The following JCAD variants were observed in gnomAD, a reference collection of about 807,000 sequenced individuals.
JCAD encodes the protein junctional cadherin 5-associated protein.
In JCAD, 40 loss-of-function variants were observed where a neutral mutation model predicts 98.0. The observed-to-expected ratio is 0.41, with a 90% CI of 0.32 to 0.53. The LOEUF is 0.53. Ranked by LOEUF, JCAD falls within the 20% of genes least tolerant of loss-of-function variation. JCAD has a pLI of 0.31. For missense variants in JCAD, 1,705 were observed against 1,738.1 expected (o/e 0.98, Z 0.34); for synonymous variants, 691 against 682.3 (o/e 1.01, Z -0.20).
chr10:30,070,064 C>T (rs1018148751), intron 1 of JCAD, among the ~76,000 whole-genome samples: 12 of 152,062 alleles, frequency 7.9e-5, no homozygotes, highest in Non-Finnish European at 2.9e-5. Context: ...AAAACTTCTA[C>T]AGCAAATCAA....
chr10:30,109,960 A>G (rs1838659460), intron 1 of JCAD, among the ~76,000 whole-genome samples: 1 of 151,970 alleles, frequency 6.6e-6, no homozygotes, highest in Non-Finnish European at 1.5e-5. Context: ...CAGCTCATGT[A>G]TGGACCCCCT....
Position 30,028,979 on chromosome 10 carries a change from G to C in JCAD, c.1169C>G (p.Pro390Arg). The C allele has an allele frequency of 6.2e-7, 1 of 1,614,020 alleles. No individual in the cohort carries two copies. Among genetic ancestry groups the C allele is most frequent in the Non-Finnish European group, 8.5e-7 (1 of 1,180,008 alleles). ...ACCATACTCATTCCCAGTTCCAGGG[G>C]GGCCTGAAGGAGGCTGACCGCTGGC... ...AGASGQPPSG[P>R]PGTGNEYGVS... Residue 390 changes from proline (P) to arginine (R), a missense_variant, in exon 3 of 4, where the codon CCC becomes CGC. By Grantham distance (103) the Pro-to-Arg change is moderately radical. Around this residue, in one of 3 missense-constraint regions of JCAD, gnomAD observed 1,278 missense variants for 1,243.1 expected, o/e 1.03. Transcript: ENST00000375377.
intron 2 of JCAD, among the ~76,000 whole-genome samples, chr10:30,034,899 A>G (rs973750516): frequency 1.3e-5 from 2 of 152,202 alleles, no homozygotes; most frequent in Non-Finnish European, 2.9e-5. Context: ...GCTTTGCATC[A>G]GAAACAATCT....
At chr10:30,055,862 C>T (rs1240634503) in intron 1 of JCAD, among the ~76,000 whole-genome samples, 3 of 152,194 alleles carry the variant, frequency 2.0e-5, no homozygotes, top group African/African-American at 7.2e-5. Context: ...CAACATTATG[C>T]ACTGAATTTT....
chr10:30,046,755 T>C (rs1837346191), intron 2 of JCAD, among the ~76,000 whole-genome samples: 1 of 152,214 alleles, frequency 6.6e-6, no homozygotes, highest in African/African-American at 2.4e-5. Flanking sequence ...GGCCAAGCCC[T>C]GTGCTAAGTG....
chr10:30,092,051 A>C (rs1564469828), intron 1 of JCAD, among the ~76,000 whole-genome samples: 4 of 35,660 alleles, frequency 1.1e-4, no homozygotes, highest in East Asian at 1.6e-3. Flanking sequence ...AAAAAAAAAA[A>C]AAAAAAAAAA....
At chr10:30,068,390 C>CAAA (rs34060997) in intron 2 of JCAD, among the ~76,000 whole-genome samples, 647 of 47,606 alleles carry the variant, frequency 0.014, 18 homozygotes, top group African/African-American at 0.018. Context: ...AACTCTGTCT[C>CAAA]AAAAAAAAAA....
At chr10:30,083,027 C>A (rs1264033363) in intron 1 of JCAD, among the ~76,000 whole-genome samples, 1 of 151,398 alleles carries the variant, frequency 6.6e-6, no homozygotes, top group East Asian at 1.9e-4. Flanking sequence ...AGCAAGATTC[C>A]ATCTCAAAAA....
At chr10:30,101,474 C>G (rs1838469763) in intron 1 of JCAD, among the ~76,000 whole-genome samples, 1 of 152,150 alleles carries the variant, frequency 6.6e-6, no homozygotes, top group Admixed American at 6.5e-5. Flanking sequence ...ATGTCTGACC[C>G]TCCTTTCCTA....
chr10:30,027,644 AACTG>A lies in JCAD; in HGVS notation c.2500_2503del (p.Gln834Ter), dbSNP rs1160555266. On this transcript the variant is annotated frameshift_variant, in exon 3 of 4. Coordinates refer to ENST00000375377, the MANE Select transcript of JCAD (RefSeq NM_020848.4). LOFTEE classifies it high-confidence loss of function. Reference sequence around the variant, plus strand: ...CTGGAGCTCCTTGTTAAAACTTTCTAACTGACTGATCAAATCCCAGGGACGACGG... The same window carrying A: ...CTGGAGCTCCTTGTTAAAACTTTCTAACTGATCAAATCCCAGGGACGACGG... 6.2e-7 allele frequency: 1 copy of A among 1,614,194 alleles called. No individual in the cohort carries two copies. The highest frequency in any genetic ancestry group is 1.7e-5 in the Admixed American group (1 of 60,026).
intron 1 of JCAD, among the ~76,000 whole-genome samples, chr10:30,093,355 C>T (rs1838316498): frequency 1.3e-5 from 2 of 152,180 alleles, no homozygotes; most frequent in Admixed American, 1.3e-4. Flanking sequence ...CTTTTGGTGT[C>T]CACATATTCG....
Position 30,026,352 on chromosome 10 carries a change from T to C in JCAD, c.3796A>G (p.Ser1266Gly). 1.9e-6 allele frequency: 3 copies of C among 1,614,156 alleles called. No individual in the cohort carries two copies. Among genetic ancestry groups the C allele is most frequent in the Non-Finnish European group, 2.5e-6 (3 of 1,180,020 alleles). Reference protein sequence around the residue: ...PDRLMRMKEVSSVSRMRVLSF... With the variant: ...PDRLMRMKEVGSVSRMRVLSF... ...AGGACTCTCATCCGTGACACTGAGC[T>C]CACCTCTTTCATTCTCATCAGGCGG... The change falls in exon 3 of 4, where the codon AGC (serine) becomes GGC (glycine). Residue 1266 changes from serine (S) to glycine (G), a missense_variant. This residue lies in a region of JCAD where 1,278 missense variants were observed against 1,243.1 expected (regional missense o/e 1.03). Transcript: ENST00000375377.
chr10:30,079,991 A>G (rs889167822), intron 1 of JCAD, among the ~76,000 whole-genome samples: 4 of 152,186 alleles, frequency 2.6e-5, no homozygotes, highest in East Asian at 1.9e-4. Context: ...GAATATCTAT[A>G]TAAGTCTCTT....
intron 1 of JCAD, among the ~76,000 whole-genome samples, chr10:30,098,003 G>A (rs1838403906): frequency 6.6e-6 from 1 of 152,114 alleles, no homozygotes; most frequent in South Asian, 2.1e-4. Context: ...CAGACTTCTG[G>A]CCATCAAAGG....
intron 3 of JCAD, among the ~76,000 whole-genome samples, chr10:30,018,834 A>G (rs1404053164): frequency 1.3e-5 from 2 of 152,206 alleles, no homozygotes; most frequent in Admixed American, 6.5e-5. Flanking sequence ...GAGTACAGCC[A>G]TTATGGAAAC....
intron 1 of JCAD, among the ~76,000 whole-genome samples, chr10:30,108,298 G>A (rs1481497483): frequency 6.8e-6 from 1 of 147,916 alleles, no homozygotes. Flanking sequence ...GGTGACAAGA[G>A]CGAAACTCCA....
At chr10:30,020,234 C>T (rs552357591) in intron 3 of JCAD, among the ~76,000 whole-genome samples, 10 of 142,650 alleles carry the variant, frequency 7.0e-5, no homozygotes, top group Admixed American at 5.3e-4. Context: ...GGCTGAGGCA[C>T]GAGAATCATT....
At chr10:30,110,308 T>C (rs534474470) in intron 1 of JCAD, among the ~76,000 whole-genome samples, 4 of 151,656 alleles carry the variant, frequency 2.6e-5, no homozygotes, top group Admixed American at 2.0e-4. Context: ...GACTCATTGA[T>C]GTATTGGCTC....
intron 2 of JCAD, among the ~76,000 whole-genome samples, chr10:30,039,735 C>T (rs1188236533): frequency 7.2e-5 from 11 of 152,102 alleles, no homozygotes; most frequent in Non-Finnish European, 1.2e-4. Flanking sequence ...AGTGTTGGAA[C>T]GTTGCCAGGA....
Sources: allele counts gnomAD v4.1 joint callset (sites outside exome capture counted in the v4.1 genomes callset), GRCh38; gene constraint gnomAD v4.1.1; regional missense constraint gnomAD v4.1.1; transcripts MANE v1.5; gene names NCBI Gene and HGNC (gene_info 2026-07-23, HGNC 2026-07-21).